Variants in TIAM1 observed in about 807,000 individuals in gnomAD.
TIAM1 encodes the protein TIAM Rac1 associated GEF 1.
TIAM1 carries 65 observed loss-of-function variants against 163.5 expected under a neutral mutation model. That is an observed-to-expected ratio of 0.40 (90% CI 0.33 to 0.49). The LOEUF (loss-of-function observed/expected upper bound fraction) is 0.49. Among genes scored for constraint, TIAM1 ranks in the 20% least tolerant of loss-of-function variants. The pLI is 0.77. For missense variants in TIAM1, 1,789 were observed against 2,044.7 expected (o/e 0.87, Z 2.41); for synonymous variants, 833 against 810.1 (o/e 1.03, Z -0.48).
rs766551308 is a variant in TIAM1, at chr21:31,395,636, C to T, written c.-368-56214G>A. On this transcript the variant is annotated intron_variant, in intron 2 of 28. Coordinates refer to the TIAM1 transcript ENST00000286827. The surrounding 1 kb of genome is among the most constrained non-coding windows in gnomAD (Gnocchi z 7.5). ...CACATAAATGAACTTACACAGAGGGCATGGGGGTAGTAAAAGGTGCTGGAC... is the reference window on the plus strand; with the variant it reads ...CACATAAATGAACTTACACAGAGGGTATGGGGGTAGTAAAAGGTGCTGGAC... 6.6e-6 allele frequency among the ~76,000 whole-genome samples: 1 copy of T among 152,108 alleles called. No individual in the cohort carries two copies. The highest frequency in any genetic ancestry group is 1.5e-5 in the Non-Finnish European group (1 of 68,014).
At chr21:31,416,714 C>T (rs1427215880) in intron 2 of TIAM1, among the ~76,000 whole-genome samples, 2 of 152,212 alleles carry the variant, frequency 1.3e-5, no homozygotes, top group Non-Finnish European at 1.5e-5. Flanking sequence ...TACTCATTGG[C>T]TAATGTGCAC....
intron 1 of TIAM1, among the ~76,000 whole-genome samples, chr21:31,557,156 T>C (rs2048908387): frequency 6.6e-6 from 1 of 152,192 alleles, no homozygotes; most frequent in African/African-American, 2.4e-5. Context: ...CTAATGGAAA[T>C]TCAAACACAT....
At chr21:31,536,924 G>A (rs945688708) in intron 1 of TIAM1, among the ~76,000 whole-genome samples, 10 of 152,238 alleles carry the variant, frequency 6.6e-5, no homozygotes, top group African/African-American at 1.4e-4. Context: ...TGACAGAGAC[G>A]TTGATTGTCA....
intron 1 of TIAM1, among the ~76,000 whole-genome samples, chr21:31,532,255 C>A (rs780530264): frequency 1.1e-4 from 17 of 152,158 alleles, no homozygotes; most frequent in Non-Finnish European, 2.5e-4. Flanking sequence ...CACAGAAGCA[C>A]CTCCTTGGTC....
At chr21:31,458,174 C>T (rs1028897957) in intron 2 of TIAM1, among the ~76,000 whole-genome samples, 2 of 152,170 alleles carry the variant, frequency 1.3e-5, no homozygotes, top group Non-Finnish European at 2.9e-5. Flanking sequence ...AATCCCAACA[C>T]TTTGGGAGGC....
In TIAM1 at chr21:31,153,058, C is replaced by T. The variant is rs1281530791; in HGVS notation, c.3240+8G>A. The T allele has an allele frequency of 5.0e-6, 8 of 1,612,194 alleles. No homozygotes were observed. Among genetic ancestry groups the T allele is most frequent in the South Asian group, 2.2e-5 (2 of 90,558 alleles). On this transcript the variant is annotated splice_region_variant and intron_variant, in intron 18 of 27. Coordinates refer to ENST00000541036, the MANE Select transcript of TIAM1 (RefSeq NM_001353694.2). ...ATGGTCACAAAGTTGAAACCATTTCCAGCATACCTCATCCTGGGTGAGAAA... is the reference window on the plus strand; with the variant it reads ...ATGGTCACAAAGTTGAAACCATTTCTAGCATACCTCATCCTGGGTGAGAAA...
chr21:31,506,005 T>G lies in TIAM1; in HGVS notation c.-421-41970A>C, dbSNP rs373748742. ...CAGCCTGGGCGACACGGTGAGACTC[T>G]GCCTCAAAAAAAAAAAAAAAAAAAA... On this transcript the variant is annotated intron_variant, in intron 1 of 28. Transcript: ENST00000286827. Among the ~76,000 whole-genome samples the G allele has an allele frequency of 9.5e-3, 963 of 101,366 alleles. 10 individuals carry two copies. The highest frequency in any genetic ancestry group is 0.035 in the African/African-American group (913 of 25,766). 66.5% of individuals were successfully genotyped at this position (101,366 alleles called of 152,430 possible).
Position 31,225,621 on chromosome 21 carries a change from G to A in TIAM1, c.1809+105C>T, listed in dbSNP as rs548178431. 8.6e-4 allele frequency: 751 copies of A among 877,376 alleles called. 9 individuals carry two copies. The South Asian group carries it at 9.2e-3, about 11-fold the overall frequency. 54.3% of individuals were successfully genotyped at this position (877,376 alleles called of 1,614,324 possible). A position where few individuals can be genotyped will look rare whatever the true frequency, so the allele number is the denominator to read the frequency against. On this transcript the variant is annotated intron_variant, in intron 7 of 27. Coordinates refer to ENST00000541036, the MANE Select transcript of TIAM1 (RefSeq NM_001353694.2). ...GCATCCTGGATGACAGGCTGTCGAG[G>A]AGATATCCGATGATGTTTCACGATT...
intron 1 of TIAM1, among the ~76,000 whole-genome samples, chr21:31,507,158 T>C (rs1302135020): frequency 6.6e-6 from 1 of 150,900 alleles, no homozygotes; most frequent in African/African-American, 2.4e-5. Flanking sequence ...TTTAATTTTT[T>C]GAGGTGCATG....
At chr21:31,179,473 A>C (rs1311739889) in intron 15 of TIAM1, among the ~76,000 whole-genome samples, 3 of 152,272 alleles carry the variant, frequency 2.0e-5, no homozygotes, top group African/African-American at 7.2e-5. Context: ...AGTTATTATC[A>C]AACTTTCAGC....
intron 2 of TIAM1, among the ~76,000 whole-genome samples, chr21:31,320,507 A>G (rs748325215): frequency 6.6e-6 from 1 of 152,192 alleles, no homozygotes; most frequent in Non-Finnish European, 1.5e-5. Context: ...AAAATCCACA[A>G]CATTACAAAA....
intron 1 of TIAM1, among the ~76,000 whole-genome samples, chr21:31,545,025 T>A (rs935199143): frequency 6.6e-6 from 1 of 151,914 alleles, no homozygotes; most frequent in Non-Finnish European, 1.5e-5. Context: ...AAAAAAAAGA[T>A]ATGTCAAAAC....
intron 2 of TIAM1, among the ~76,000 whole-genome samples, chr21:31,309,782 T>C (rs2074854168): frequency 6.6e-6 from 1 of 152,186 alleles, no homozygotes; most frequent in African/African-American, 2.4e-5. Context: ...AAATCTGATT[T>C]CAACTAAAAT....
At position 31,202,898 on chromosome 21, in the gene TIAM1, A is replaced by T. The variant is rs748742100; in HGVS notation, c.2493+10T>A. ...CATAAAGTGTGCTTGGACAACAGTCATAACATTACCAGCTCATAGATGTCT... is the reference window on the plus strand; with the variant it reads ...CATAAAGTGTGCTTGGACAACAGTCTTAACATTACCAGCTCATAGATGTCT... On this transcript the variant is annotated intron_variant, in intron 12 of 27. Transcript: ENST00000541036. 9.3e-6 allele frequency: 15 copies of T among 1,610,348 alleles called. No homozygotes were observed. In the East Asian group the frequency reaches 3.3e-4, roughly 36 times the overall value.
chr21:31,181,493 G>A (rs1479936704), intron 15 of TIAM1, among the ~76,000 whole-genome samples: 1 of 151,378 alleles, frequency 6.6e-6, no homozygotes, highest in African/African-American at 2.4e-5. Context: ...GAAGGAGCGG[G>A]GAGAGGAAGG....
At chr21:31,126,169 A>C (rs1368630023) in intron 26 of TIAM1, among the ~76,000 whole-genome samples, 43 of 152,228 alleles carry the variant, frequency 2.8e-4, no homozygotes, top group Non-Finnish European at 1.5e-5. Flanking sequence ...TATTGCTAAT[A>C]ATCATAATAT....
chr21:31,512,392 A>T (rs1389446355), intron 1 of TIAM1, among the ~76,000 whole-genome samples: 1 of 151,916 alleles, frequency 6.6e-6, no homozygotes, highest in Non-Finnish European at 1.5e-5. Flanking sequence ...GAGCCATCTC[A>T]TCTGGCCACA....
intron 4 of TIAM1, among the ~76,000 whole-genome samples, chr21:31,259,389 G>A (rs944553940): frequency 1.3e-5 from 2 of 151,638 alleles, no homozygotes; most frequent in Non-Finnish European, 2.9e-5. Context: ...CTCCCACCTC[G>A]GCCTCCCAAA....
intron 19 of TIAM1, among the ~76,000 whole-genome samples, chr21:31,151,154 T>C (rs1453979740): frequency 6.6e-6 from 1 of 152,224 alleles, no homozygotes; most frequent in Non-Finnish European, 1.5e-5. Flanking sequence ...TGTAAAACAG[T>C]TGAGCAGTTT....
Sources: allele counts gnomAD v4.1 joint callset (sites outside exome capture counted in the v4.1 genomes callset), GRCh38; gene constraint gnomAD v4.1.1; non-coding constraint Gnocchi (gnomAD v3.1); transcripts MANE v1.5; gene names NCBI Gene and HGNC (gene_info 2026-07-23, HGNC 2026-07-21).